KCNH4: variants seen among roughly 807,000 people sequenced by gnomAD.
KCNH4 encodes the protein voltage-gated delayed rectifier potassium channel KCNH4.
A neutral mutation model predicts 90.7 loss-of-function variants in KCNH4; 33 were observed. That is an observed-to-expected ratio of 0.36 (90% CI 0.28 to 0.49). The LOEUF (loss-of-function observed/expected upper bound fraction) is 0.49. Ranked by LOEUF, KCNH4 falls within the 20% of genes least tolerant of loss-of-function variation. The pLI, the probability that KCNH4 is intolerant of heterozygous loss-of-function variation, is 0.98. For missense variants in KCNH4, 1,044 were observed against 1,387.1 expected (o/e 0.75, Z 3.93); for synonymous variants, 551 against 581.7 (o/e 0.95, Z 0.76).
intron 6 of KCNH4, among the ~76,000 whole-genome samples, chr17:42,174,900 C>G (rs564784638): frequency 6.6e-6 from 1 of 152,170 alleles, no homozygotes; most frequent in Non-Finnish European, 1.5e-5. Context: ...GTCCTCATCT[C>G]CTTCCAGCTA....
At position 42,163,939 on chromosome 17, in the gene KCNH4, C is replaced by T; in HGVS notation, c.2144G>A (p.Gly715Asp). The T allele has an allele frequency of 6.5e-7, 1 of 1,542,606 alleles. No homozygotes were observed. The highest frequency in any genetic ancestry group is 1.2e-5 in the South Asian group (1 of 83,310). Reference sequence around the variant, plus strand: ...TGGCAGCGTCTTGTCTGAGGAGGAGCCGAGGCTTTCTGAGCGGGGCTGCGG... The same window carrying T: ...TGGCAGCGTCTTGTCTGAGGAGGAGTCGAGGCTTTCTGAGCGGGGCTGCGG... ...RLSQPRSESL[G>D]SSSDKTLPSI... is the part of the protein sequence containing the mutation. The change falls in exon 13 of 17, where the codon GGC becomes GAC. Residue 715 changes from glycine (G) to aspartate (D), a missense_variant. This residue lies in a region of KCNH4 where 441 missense variants were observed against 512.3 expected (regional missense o/e 0.86). Coordinates refer to ENST00000264661, the MANE Select transcript of KCNH4 (RefSeq NM_012285.3). The surrounding 1 kb of genome is among the most constrained non-coding windows in gnomAD (Gnocchi z 5.4).
rs766917097 is a variant in KCNH4 at position 42,163,715 on chromosome 17, C to T, written c.2368G>A (p.Gly790Ser). Residue 790 changes from glycine (G) to serine (S), a missense_variant, in exon 13 of 17, where the codon GGC (glycine) becomes AGC (serine). Gly to Ser is a moderately conservative substitution (Grantham distance 56). Around this residue, in one of 4 missense-constraint regions of KCNH4, gnomAD observed 441 missense variants for 512.3 expected, o/e 0.86. Transcript: ENST00000264661. This position sits in a 1 kb window ranked among gnomAD's most constrained non-coding sequence, Gnocchi z 5.4. The stretch of plus-strand genomic sequence containing the variant: ...GGGCCGTGAGGGGAGGCACTGTGGC[C>T]CTGGCCAGCCAGGGCAGGGGACAGG... Reference protein sequence around the residue: ...PSLSPALAGQGHSASPHGPPR... With the variant: ...PSLSPALAGQSHSASPHGPPR... 5.6e-5 allele frequency: 86 copies of T among 1,523,456 alleles called. No homozygotes were observed. Among genetic ancestry groups the T allele is most frequent in the Non-Finnish European group, 7.5e-5 (85 of 1,139,544 alleles). 94.4% of individuals were successfully genotyped at this position (1,523,456 alleles called of 1,614,324 possible).
At chr17:42,160,920 C>CTTTTTTTTTTTTT (rs57677761) in intron 15 of KCNH4, among the ~76,000 whole-genome samples, 170 of 73,420 alleles carry the variant, frequency 2.3e-3, no homozygotes, top group Middle Eastern at 0.013. Context: ...TTTTCTTTTT[C>CTTTTTTTTTTTTT]TTTTTTTTTT....
rs369685674 is a variant in KCNH4 at position 42,170,229 on chromosome 17, C to A, written c.1268G>T (p.Arg423Leu). 42 of 1,610,604 alleles carry A rather than the reference C, an allele frequency of 2.6e-5. No individual in the cohort carries two copies. Among genetic ancestry groups the A allele is most frequent in the Middle Eastern group, 3.3e-4 (2 of 6,080 alleles). ...GTACAGTGCCGCGATGTAGGCGCTG[C>A]GCCGTGATGGGCCGCCCACCGAGCC... ...VNGSVGGPSR[R>L]SAYIAALYFT... The change falls in exon 8 of 17, where the codon CGC (arginine) becomes CTC (leucine). Residue 423 changes from arginine to leucine, a missense_variant. Arg to Leu is a moderately radical substitution (Grantham distance 102, BLOSUM62 -2). This residue lies in a region of KCNH4 where 318 missense variants were observed against 479.6 expected (regional missense o/e 0.66). Coordinates refer to ENST00000264661, the MANE Select transcript of KCNH4 (RefSeq NM_012285.3).
In KCNH4 at chr17:42,165,474, T is replaced by C. The variant is rs773858322; in HGVS notation, c.2060A>G (p.Asn687Ser). The C allele has an allele frequency of 3.1e-6, 5 of 1,613,886 alleles. No individual in the cohort carries two copies. The South Asian group carries it at 5.5e-5, about 18-fold the overall frequency. ...RAGLPRDLTF[N>S]LRQGSDTSGL... The stretch of plus-strand genomic sequence containing the variant: ...ACTGGTGTCAGAGCCCTGGCGCAGG[T>C]TGAAGGTGAGGTCCCGGGGCAGGCC... Residue 687 changes from asparagine to serine, a missense_variant, in exon 11 of 17, where the codon AAC becomes AGC. Around this residue, in one of 4 missense-constraint regions of KCNH4, gnomAD observed 441 missense variants for 512.3 expected, o/e 0.86. Coordinates refer to ENST00000264661, the MANE Select transcript of KCNH4 (RefSeq NM_012285.3).
chr17:42,176,681 C>T (rs1311957974), intron 4 of KCNH4, among the ~76,000 whole-genome samples: 3 of 151,482 alleles, frequency 2.0e-5, no homozygotes, highest in African/African-American at 7.3e-5. Context: ...TGCCACCACA[C>T]CTGACTAATT....
At position 42,180,692 on chromosome 17, in the gene KCNH4, C is replaced by T. The variant is rs1486487416; in HGVS notation, c.76+178G>A. ...CCCGTGCTCTCGGCCCTTTCCCCTC[C>T]TCCCCTCGCAGGGCACTCCCCGCCC... On this transcript the variant is annotated intron_variant, in intron 1 of 16. Coordinates refer to ENST00000264661, the MANE Select transcript of KCNH4 (RefSeq NM_012285.3). The surrounding 1 kb of genome is among the most constrained non-coding windows in gnomAD (Gnocchi z 4.7). Among the ~76,000 whole-genome samples, 1 of 152,112 alleles carries T rather than the reference C, an allele frequency of 6.6e-6. No homozygotes were observed. The highest frequency in any genetic ancestry group is 1.5e-5 in the Non-Finnish European group (1 of 68,004).
rs532100884 is a variant in KCNH4, at chr17:42,173,693, C to CTTTTTTTTT, written c.988-1707_988-1699dup. ...AGACTGGAAGTTTAGCGATCTGGTT[C>CTTTTTTTTT]TTTTTTTTTTTTTTTTTTTTTTTTT... On this transcript the variant is annotated intron_variant, in intron 6 of 16. Coordinates refer to ENST00000264661, the MANE Select transcript of KCNH4 (RefSeq NM_012285.3). Among the ~76,000 whole-genome samples, 10 of 66,272 alleles carry CTTTTTTTTT rather than the reference C, an allele frequency of 1.5e-4. 1 individual carries two copies. The highest frequency in any genetic ancestry group is 2.8e-4 in the Admixed American group (1 of 3,616). 43.5% of individuals were successfully genotyped at this position (66,272 alleles called of 152,430 possible).
chr17:42,172,644 G>T (rs1336376335), intron 6 of KCNH4, among the ~76,000 whole-genome samples: 3 of 151,670 alleles, frequency 2.0e-5, no homozygotes, highest in Non-Finnish European at 4.4e-5. Flanking sequence ...GAGGTTCAGG[G>T]AGGCTAATGA....
intron 9 of KCNH4, 21 bp downstream of exon 9, chr17:42,169,456 A>T: frequency 6.2e-7 from 1 of 1,611,050 alleles, no homozygotes; most frequent in South Asian, 1.1e-5. Flanking sequence ...CAAGGGCAAG[A>T]TTGGAGACCC....
At chr17:42,178,622 C>T (rs2079879490) in intron 2 of KCNH4, 145 bp from the exon 3 acceptor site, 3 of 1,229,132 alleles carry the variant, frequency 2.4e-6, no homozygotes, top group African/African-American at 3.0e-5. Flanking sequence ...TCAGCCGATT[C>T]CTTCATCTTT....
At chr17:42,170,930 A>G (rs535395937) in intron 7 of KCNH4, among the ~76,000 whole-genome samples, 6 of 152,348 alleles carry the variant, frequency 3.9e-5, no homozygotes, top group African/African-American at 1.4e-4. Flanking sequence ...ATGAGAAAGC[A>G]GTATGTCCTG....
chr17:42,178,416 C>T lies in KCNH4; in HGVS notation c.372G>A (p.Val124=), dbSNP rs1458128565. ...MPIKNEMGEV[V]LFLFSFKDIT... is the part of the protein sequence containing the mutation. Reference sequence around the variant, plus strand: ...TATCCTTGAAGGAAAAGAGGAACAGCACGACCTCCCCCATCTCATTCTTGA... The same window carrying T: ...TATCCTTGAAGGAAAAGAGGAACAGTACGACCTCCCCCATCTCATTCTTGA... The change falls in exon 3 of 17, where the codon GTG becomes GTA. Residue 124 remains valine (V), a synonymous_variant. Transcript: ENST00000264661. 6.2e-7 allele frequency: 1 copy of T among 1,614,198 alleles called. No individual in the cohort carries two copies. The highest frequency in any genetic ancestry group is 1.1e-5 in the South Asian group (1 of 91,086).
intron 4 of KCNH4, among the ~76,000 whole-genome samples, chr17:42,177,560 G>T (rs978778247): frequency 2.6e-5 from 4 of 152,182 alleles, no homozygotes; most frequent in Admixed American, 2.6e-4. Context: ...AGCTTGAGGG[G>T]TACCTAACTT....
intron 1 of KCNH4, 26 bp from the exon 2 acceptor site, chr17:42,179,052 G>C: frequency 1.3e-6 from 2 of 1,578,440 alleles, no homozygotes; most frequent in Non-Finnish European, 1.7e-6. Context: ...GTCAAGGTCA[G>C]GTCAAGGCTG....
rs1431146352 is a variant in KCNH4, at chr17:42,166,540, G to T, written c.1597C>A (p.Arg533Ser). ...NSGIDANELL[R>S]DFPDELRADI... ...GCTCTCAGCTCGTCTGGGAAGTCAC[G>T]CAGTAACTGCATAAGGGGCATAGGT... Residue 533 changes from arginine (R) to serine (S), a missense_variant, in exon 10 of 17, where the codon CGT (arginine) becomes AGT (serine). Transcript: ENST00000264661. The T allele has an allele frequency of 2.5e-6, 4 of 1,611,780 alleles. No individual in the cohort carries two copies. The highest frequency in any genetic ancestry group is 3.4e-6 in the Non-Finnish European group (4 of 1,178,164).
Position 42,171,830 on chromosome 17 carries a change from G to A in KCNH4, c.1153C>T (p.Arg385Cys), listed in dbSNP as rs1285947462. The A allele has an allele frequency of 1.2e-5, 19 of 1,613,970 alleles. No homozygotes were observed. The highest frequency in any genetic ancestry group is 1.5e-5 in the Non-Finnish European group (18 of 1,180,030). Residue 385 changes from arginine to cysteine, a missense_variant, in exon 7 of 17, where the codon CGC (arginine) becomes TGC (cysteine). Physicochemically the swap from Arg to Cys is radical, Grantham distance 180. Around this residue, in one of 4 missense-constraint regions of KCNH4, gnomAD observed 318 missense variants for 479.6 expected, o/e 0.66. Transcript: ENST00000264661. ...WMACIWYVIG[R>C]REMEANDPLL... The stretch of plus-strand genomic sequence containing the variant: ...GGGTCATTGGCCTCCATCTCCCGGC[G>A]CCCGATGACATACCAGATGCAGGCC...
At chr17:42,169,741 A>C in intron 8 of KCNH4, 65 bp from the exon 9 acceptor site, 1 of 1,539,188 alleles carries the variant, frequency 6.5e-7, no homozygotes. Flanking sequence ...CAGCTCCCAA[A>C]CCCACCCTGT....
At chr17:42,175,470 G>T in intron 6 of KCNH4, 109 bp downstream of exon 6, 2 of 1,240,438 alleles carry the variant, frequency 1.6e-6, no homozygotes, top group Non-Finnish European at 2.3e-6. Flanking sequence ...AATATCTGCA[G>T]ATGGATTGAT....
Sources: gnomAD v4.1 joint callset for allele counts (sites outside exome capture counted in the v4.1 genomes callset) on GRCh38, gnomAD v4.1.1 for gene constraint, gnomAD v4.1.1 regional missense constraint, Gnocchi (gnomAD v3.1) non-coding constraint, MANE v1.5 for transcripts, NCBI Gene and HGNC (gene_info 2026-07-23, HGNC 2026-07-21) for gene names.